AKAP12: variants seen among roughly 807,000 people sequenced by gnomAD.
AKAP12 encodes the protein A-kinase anchor protein 12.
AKAP12 carries 32 observed loss-of-function variants against 79.9 expected under a neutral mutation model. The observed-to-expected ratio is 0.40, with a 90% confidence interval of 0.30 to 0.54. The LOEUF (loss-of-function observed/expected upper bound fraction) is 0.54. AKAP12 is among the 20% of genes least tolerant of loss of function. AKAP12 has a pLI of 0.48. For missense variants in AKAP12, 2,074 were observed against 2,177.0 expected, an observed-to-expected ratio of 0.95 and a Z score of 0.94; for synonymous variants, 808 against 857.0, an observed-to-expected ratio of 0.94 and a Z score of 1.00.
At chr6:151,244,691 G>T (rs764365164) in intron 2 of AKAP12, among the ~76,000 whole-genome samples, 1 of 152,206 alleles carries the variant, frequency 6.6e-6, no homozygotes, top group Non-Finnish European at 1.5e-5. Context: ...AAATGGGCCA[G>T]AATTTAAGGC....
chr6:151,326,127 C>A (rs1015280202), intron 3 of AKAP12, among the ~76,000 whole-genome samples: 4 of 152,204 alleles, frequency 2.6e-5, no homozygotes, highest in Admixed American at 2.0e-4. Flanking sequence ...ATCTTCTTGA[C>A]TGTGCCTATG....
chr6:151,317,697 T>C (rs1213114815), intron 3 of AKAP12, among the ~76,000 whole-genome samples: 1 of 152,170 alleles, frequency 6.6e-6, no homozygotes, highest in Non-Finnish European at 1.5e-5. Context: ...TATAAGGGAA[T>C]CCCTTACCTC....
At chr6:151,321,920 T>TTTG (rs1777401852) in intron 3 of AKAP12, among the ~76,000 whole-genome samples, 1 of 145,738 alleles carries the variant, frequency 6.9e-6, no homozygotes, top group Non-Finnish European at 1.5e-5. Flanking sequence ...TTTTTTTTTT[T>TTTG]TTTTTTTTGA....
At chr6:151,297,019 GTTT>G (rs36046672) in intron 2 of AKAP12, among the ~76,000 whole-genome samples, 5 of 127,650 alleles carry the variant, frequency 3.9e-5, no homozygotes, top group Non-Finnish European at 5.0e-5. Context: ...AAATAAAAGG[GTTT>G]TTTTTTTTTT....
chr6:151,254,359 C>CTTTTTTT (rs72424619), intron 2 of AKAP12, among the ~76,000 whole-genome samples: 1 of 150,404 alleles, frequency 6.6e-6, no homozygotes, highest in Non-Finnish European at 1.5e-5. Context: ...TTAGATTAGT[C>CTTTTTTT]TTTTTTGTTT....
chr6:151,349,119 T>C lies in AKAP12; in HGVS notation c.728T>C (p.Leu243Pro). The C allele has an allele frequency of 6.2e-7, 1 of 1,613,500 alleles. No homozygotes were observed. Among genetic ancestry groups the C allele is most frequent in the Non-Finnish European group, 8.5e-7 (1 of 1,179,956 alleles). The change falls in exon 4 of 5, where the codon CTG (leucine) becomes CCG (proline). Residue 243 changes from leucine (L) to proline (P), a missense_variant. Leu to Pro is a moderately conservative substitution (Grantham distance 98). This residue lies in a region of AKAP12 where 1,428 missense variants were observed against 1,451.0 expected (regional missense o/e 0.98). Coordinates refer to ENST00000402676, the MANE Select transcript of AKAP12 (RefSeq NM_005100.4). ...KQSTEKPEET[L>P]KREQSHAEIS... ...TCTACAGAGAAACCCGAAGAGACCCTGAAGCGTGAGCAAAGCCACGCAGAA... is the reference window on the plus strand; with the variant it reads ...TCTACAGAGAAACCCGAAGAGACCCCGAAGCGTGAGCAAAGCCACGCAGAA...
chr6:151,269,767 G>A (rs1776142729), intron 2 of AKAP12, among the ~76,000 whole-genome samples: 1 of 152,154 alleles, frequency 6.6e-6, no homozygotes, highest in Admixed American at 6.6e-5. Context: ...ACCATTTAAA[G>A]AGTACAACTC....
At chr6:151,249,868 C>T (rs2114682548) in intron 2 of AKAP12, among the ~76,000 whole-genome samples, 1 of 152,322 alleles carries the variant, frequency 6.6e-6, no homozygotes, top group East Asian at 1.9e-4. Flanking sequence ...TTATATTCTA[C>T]ATCTCAAGTG....
chr6:151,272,376 G>A (rs973858062), intron 2 of AKAP12, among the ~76,000 whole-genome samples: 1 of 151,302 alleles, frequency 6.6e-6, no homozygotes, highest in Non-Finnish European at 1.5e-5. Context: ...AAACAGTGGG[G>A]TCCAGCATAT....
chr6:151,265,134 G>C (rs529855685), intron 2 of AKAP12, among the ~76,000 whole-genome samples: 20 of 149,544 alleles, frequency 1.3e-4, no homozygotes, highest in Non-Finnish European at 2.8e-4. Context: ...CTGGGCAACA[G>C]AGCGAGACTC....
chr6:151,350,682 G>T lies in AKAP12; in HGVS notation c.2291G>T (p.Arg764Met). ...GTTTCCACCTGGGAGTCATTTAAAAGGTTAGTCACGCCAAGAAAAAAATCA... is the reference window on the plus strand; with the variant it reads ...GTTTCCACCTGGGAGTCATTTAAAATGTTAGTCACGCCAAGAAAAAAATCA... ...EGVSTWESFK[R>M]LVTPRKKSKS... Residue 764 changes from arginine to methionine, a missense_variant, in exon 4 of 5, where the codon AGG (arginine) becomes ATG (methionine). Arg to Met is a moderately conservative substitution (Grantham distance 91). Around this residue, in one of 3 missense-constraint regions of AKAP12, gnomAD observed 1,428 missense variants for 1,451.0 expected, o/e 0.98. Coordinates refer to ENST00000402676, the MANE Select transcript of AKAP12 (RefSeq NM_005100.4). This position sits in a 1 kb window ranked among gnomAD's most constrained non-coding sequence, Gnocchi z 4.8. 1 of 1,613,806 alleles carries T rather than the reference G, an allele frequency of 6.2e-7. No homozygotes were observed. The highest frequency in any genetic ancestry group is 8.5e-7 in the Non-Finnish European group (1 of 1,179,956).
intron 3 of AKAP12, among the ~76,000 whole-genome samples, chr6:151,347,774 C>G (rs939025872): frequency 6.6e-6 from 1 of 152,188 alleles, no homozygotes; most frequent in African/African-American, 2.4e-5. Context: ...CAGTGGCTCA[C>G]GCCTGTAATC....
intron 2 of AKAP12, among the ~76,000 whole-genome samples, chr6:151,279,620 C>G (rs1776356682): frequency 6.6e-6 from 1 of 152,060 alleles, no homozygotes; most frequent in Non-Finnish European, 1.5e-5. Flanking sequence ...CTCTCTGTTT[C>G]TTTTAAAATT....
chr6:151,240,717 C>T lies in AKAP12; in HGVS notation c.155C>T (p.Ala52Val), dbSNP rs1796954347. ...CCCGCCATCGCTGCCTCGGACCCCG[C>T]CACCAAGGTACGGGCGTGCCGGGCC... Reference protein sequence around the residue: ...ADPAIAASDPATKLLQKNGQL... With the variant: ...ADPAIAASDPVTKLLQKNGQL... The change falls in exon 2 of 5, where the codon GCC becomes GTC. Residue 52 changes from alanine (A) to valine (V), a missense_variant. Ala to Val is a moderately conservative substitution (Grantham distance 64). Coordinates refer to ENST00000402676, the MANE Select transcript of AKAP12 (RefSeq NM_005100.4). The T allele has an allele frequency of 1.6e-6, 2 of 1,271,326 alleles. No individual in the cohort carries two copies. Among genetic ancestry groups the T allele is most frequent in the Non-Finnish European group, 9.9e-7 (1 of 1,010,986 alleles). 78.8% of individuals were successfully genotyped at this position (1,271,326 alleles called of 1,614,324 possible).
intron 3 of AKAP12, among the ~76,000 whole-genome samples, chr6:151,315,704 C>T (rs1777218780): frequency 6.6e-6 from 1 of 152,076 alleles, no homozygotes; most frequent in Non-Finnish European, 1.5e-5. Flanking sequence ...GTGTATTGGT[C>T]CATTCTCACA....
chr6:151,339,062 C>T (rs774119776), intron 3 of AKAP12, among the ~76,000 whole-genome samples: 12 of 152,160 alleles, frequency 7.9e-5, no homozygotes, highest in Non-Finnish European at 1.0e-4. Flanking sequence ...CTTTTCAAAA[C>T]GATGCATGAC....
chr6:151,242,682 C>T (rs1797001262), intron 2 of AKAP12, among the ~76,000 whole-genome samples: 1 of 152,218 alleles, frequency 6.6e-6, no homozygotes, highest in Non-Finnish European at 1.5e-5. Flanking sequence ...CAAGTAATCC[C>T]ATCTCCCACT....
intron 2 of AKAP12, among the ~76,000 whole-genome samples, chr6:151,294,657 A>G (rs1399589067): frequency 6.6e-6 from 1 of 152,188 alleles, no homozygotes; most frequent in Admixed American, 6.5e-5. Flanking sequence ...TCCAGCAGAG[A>G]TCTTATAAAT....
At chr6:151,260,311 C>T (rs7744492) in intron 2 of AKAP12, among the ~76,000 whole-genome samples, 4,451 of 152,166 alleles carry the variant, frequency 0.029, 217 homozygotes, top group African/African-American at 0.1. Flanking sequence ...TTGATTCGAT[C>T]GCTCTTGAGT....
Sources: allele counts gnomAD v4.1 joint callset (sites outside exome capture counted in the v4.1 genomes callset), GRCh38; gene constraint gnomAD v4.1.1; regional missense constraint gnomAD v4.1.1; non-coding constraint Gnocchi (gnomAD v3.1); transcripts MANE v1.5; gene names NCBI Gene and HGNC (gene_info 2026-07-23, HGNC 2026-07-21).